Variants in PKN2 observed in about 807,000 individuals in gnomAD.
The protein encoded by PKN2 is serine/threonine-protein kinase N2.
A neutral mutation model predicts 119.1 loss-of-function variants in PKN2; 38 were observed. The ratio of observed to expected loss-of-function variants is 0.32; its 90% CI spans 0.25 to 0.42. The LOEUF is 0.42. PKN2 is among the 10% of genes least tolerant of loss of function. The pLI is 1.00. For missense variants in PKN2, 850 were observed against 1,165.1 expected (o/e 0.73, Z 3.94); for synonymous variants, 390 against 384.9 (o/e 1.01, Z -0.15).
chr1:88,732,248 T>C (rs1050724109), intron 1 of PKN2, among the ~76,000 whole-genome samples: 1 of 152,096 alleles, frequency 6.6e-6, no homozygotes, highest in Non-Finnish European at 1.5e-5. Context: ...CTTTTCCTTA[T>C]TAGGCAAGGT....
At chr1:88,826,482 G>A (rs1672505736) in intron 18 of PKN2, among the ~76,000 whole-genome samples, 1 of 151,904 alleles carries the variant, frequency 6.6e-6, no homozygotes, top group Admixed American at 6.6e-5. Context: ...TTTGTTACAT[G>A]CATAAATTGC....
intron 1 of PKN2, among the ~76,000 whole-genome samples, chr1:88,689,303 A>G (rs1666239934): frequency 6.6e-6 from 1 of 152,212 alleles, no homozygotes; most frequent in African/African-American, 2.4e-5. Context: ...TAAAAGTCCC[A>G]TGGCTGTAGA....
intron 1 of PKN2, among the ~76,000 whole-genome samples, chr1:88,691,664 A>G (rs963830974): frequency 2.6e-5 from 4 of 151,974 alleles, no homozygotes; most frequent in Non-Finnish European, 5.9e-5. Context: ...GTCTATTTCC[A>G]CCTTCTTGTC....
intron 1 of PKN2, among the ~76,000 whole-genome samples, chr1:88,709,014 A>G (rs1311077247): frequency 6.6e-6 from 1 of 151,554 alleles, no homozygotes; most frequent in Non-Finnish European, 1.5e-5. Context: ...AGCTCCTGCT[A>G]TATTCAAAGC....
chr1:88,808,865 C>T (rs1477578278), intron 15 of PKN2, among the ~76,000 whole-genome samples: 4 of 152,116 alleles, frequency 2.6e-5, no homozygotes, highest in Admixed American at 6.5e-5. Context: ...TGACTTTTCT[C>T]GTCCTCATTG....
chr1:88,830,793 A>G (rs567914700), intron 19 of PKN2, among the ~76,000 whole-genome samples: 7 of 152,188 alleles, frequency 4.6e-5, no homozygotes, highest in Non-Finnish European at 5.9e-5. Context: ...GTTTCTTGCA[A>G]TTTCTCTTTA....
chr1:88,739,132 A>C (rs1205474783), intron 1 of PKN2, among the ~76,000 whole-genome samples: 3 of 152,154 alleles, frequency 2.0e-5, no homozygotes, highest in Admixed American at 6.5e-5. Flanking sequence ...ACATAACAAC[A>C]TGAAATTTTC....
In PKN2 at chr1:88,805,919, G is replaced by C. The variant is rs745800453; in HGVS notation, c.1705G>C (p.Asp569His). 1 of 1,613,980 alleles carries C rather than the reference G, an allele frequency of 6.2e-7. No individual in the cohort carries two copies. The highest frequency in any genetic ancestry group is 1.1e-5 in the South Asian group (1 of 91,068). ...SDSTVTKLDF[D>H]LEPEPPPAPP... ...TTCTACAGTAACCAAATTGGACTTT[G>C]ATCTTGAGCCTGAACCTCCTCCAGC... The change falls in exon 12 of 22, where the codon GAT becomes CAT. Residue 569 changes from aspartate (D) to histidine (H), a missense_variant. Physicochemically the swap from Asp to His is moderately conservative, Grantham distance 81 (BLOSUM62 -1). This residue lies in a region of PKN2 where 216 missense variants were observed against 252.8 expected (regional missense o/e 0.85). Coordinates refer to ENST00000370521, the MANE Select transcript of PKN2 (RefSeq NM_006256.4).
intron 16 of PKN2, among the ~76,000 whole-genome samples, chr1:88,817,664 G>A (rs12097075): frequency 0.073 from 10,878 of 148,994 alleles, 556 homozygotes; most frequent in East Asian, 0.14. Flanking sequence ...AGCCGAGATC[G>A]CGCCACAGCA....
At chr1:88,741,756 C>T (rs767137419) in intron 2 of PKN2, among the ~76,000 whole-genome samples, 1 of 151,972 alleles carries the variant, frequency 6.6e-6, no homozygotes, top group African/African-American at 2.4e-5. Flanking sequence ...AACAAGTAAA[C>T]TACTAGGCAT....
At chr1:88,755,244 A>G (rs1669151807) in intron 2 of PKN2, among the ~76,000 whole-genome samples, 1 of 152,176 alleles carries the variant, frequency 6.6e-6, no homozygotes, top group Admixed American at 6.5e-5. Flanking sequence ...ATATACTGGC[A>G]ACTGTATGTT....
intron 6 of PKN2, among the ~76,000 whole-genome samples, chr1:88,779,679 G>C (rs1443420177): frequency 5.3e-5 from 8 of 152,066 alleles, no homozygotes; most frequent in African/African-American, 1.9e-4. Flanking sequence ...TAAAATTTTT[G>C]AGGTTATGAA....
At chr1:88,773,165 A>G (rs1238259741) in intron 6 of PKN2, among the ~76,000 whole-genome samples, 1 of 151,610 alleles carries the variant, frequency 6.6e-6, no homozygotes, top group Non-Finnish European at 1.5e-5. Flanking sequence ...TTGGGTTCAA[A>G]TGAGTCTCTT....
intron 19 of PKN2, chr1:88,828,941 C>G (rs1278354455): frequency 6.3e-6 from 4 of 635,984 alleles, no homozygotes; most frequent in Non-Finnish European, 1.2e-5. Context: ...AAGGAATGTA[C>G]TCTGTACCTG....
chr1:88,686,292 A>G (rs1052746601), intron 1 of PKN2, among the ~76,000 whole-genome samples: 11 of 152,116 alleles, frequency 7.2e-5, no homozygotes, highest in African/African-American at 1.2e-4. Flanking sequence ...TTAGAGTTAC[A>G]ATATATTTGG....
chr1:88,684,906 T>C (rs979663562), intron 1 of PKN2: 4 of 371,022 alleles, frequency 1.1e-5, no homozygotes, highest in Non-Finnish European at 1.9e-5. Context: ...AGCGGGAGCC[T>C]GCTCTCGCCT....
chr1:88,750,749 A>G (rs1198592252), intron 2 of PKN2, among the ~76,000 whole-genome samples: 2 of 152,250 alleles, frequency 1.3e-5, no homozygotes, highest in East Asian at 1.9e-4. Flanking sequence ...GCATGACCCC[A>G]GTAATCTATA....
chr1:88,824,944 G>A (rs1462432762), intron 18 of PKN2, among the ~76,000 whole-genome samples: 4 of 152,198 alleles, frequency 2.6e-5, no homozygotes, highest in Non-Finnish European at 4.4e-5. Flanking sequence ...GGAAAACTTA[G>A]TTTTAACCTC....
In PKN2 at chr1:88,783,318, C is replaced by CTT. The variant is rs145779882; in HGVS notation, c.986-1320_986-1319dup. On this transcript the variant is annotated intron_variant, in intron 6 of 21. Transcript: ENST00000370521. Reference sequence around the variant, plus strand: ...TTTCCTTGTACTCTTATTTCTGTCTCTTCAACTTGGCTCCGCCTGAGTTTC... The same window carrying CTT: ...TTTCCTTGTACTCTTATTTCTGTCTCTTTTCAACTTGGCTCCGCCTGAGTTTC... Among the ~76,000 whole-genome samples the CTT allele has an allele frequency of 5.7e-3, 867 of 152,306 alleles. 17 individuals are homozygous for CTT. In the East Asian group the frequency reaches 0.062, roughly 11 times the overall value.
Sources: gnomAD v4.1 joint callset for allele counts (sites outside exome capture counted in the v4.1 genomes callset) on GRCh38, gnomAD v4.1.1 for gene constraint, gnomAD v4.1.1 regional missense constraint, MANE v1.5 for transcripts, NCBI Gene and HGNC (gene_info 2026-07-23, HGNC 2026-07-21) for gene names.